MPI: variants seen among roughly 807,000 people sequenced by gnomAD.
MPI encodes mannose-6-phosphate isomerase.
MPI carries 33 observed loss-of-function variants against 40.1 expected under a neutral mutation model. That is an observed-to-expected ratio of 0.82 (90% CI 0.62 to 1.10). MPI has a LOEUF of 1.10. MPI is among the 50% of genes least tolerant of loss of function. MPI has a pLI of 0.00. For synonymous variants in MPI, 187 were observed against 207.4 expected, an observed-to-expected ratio of 0.90 and a Z score of 0.85; for missense variants, 514 against 524.1, an observed-to-expected ratio of 0.98 and a Z score of 0.19.
At chr15:74,891,294 G>A (rs1393809348) in intron 2 of MPI, 85 bp from the exon 3 acceptor site, 1 of 1,281,886 alleles carries the variant, frequency 7.8e-7, no homozygotes, top group Non-Finnish European at 1.1e-6. Flanking sequence ...GCCCTGTGGG[G>A]AGCACAGCAT....
In MPI at chr15:74,891,549, A is replaced by T. The variant is rs755946117; in HGVS notation, c.315A>T (p.Thr105=). 3 of 1,613,996 alleles carry T rather than the reference A, an allele frequency of 1.9e-6. No homozygotes were observed. The African/African-American group carries it at 4.0e-5, about 22-fold the overall frequency. ...TCTTCAAAGTGCTCTCAGTTGAAACACCCCTGTCCATCCAGGCACACCCTA... is the reference window on the plus strand; with the variant it reads ...TCTTCAAAGTGCTCTCAGTTGAAACTCCCCTGTCCATCCAGGCACACCCTA... ...PFLFKVLSVE[T]PLSIQAHPNK... is the part of the protein sequence containing the mutation. The change falls in exon 3 of 8, where the codon ACA becomes ACT. Residue 105 remains threonine, a synonymous_variant. Transcript: ENST00000352410.
intron 5 of MPI, among the ~76,000 whole-genome samples, chr15:74,894,089 T>TTTTCTGAGCCAGG (rs1567267185): frequency 7.1e-5 from 4 of 56,074 alleles, no homozygotes; most frequent in South Asian, 4.9e-4. Flanking sequence ...TGTGTGTGTG[T>TTTTCTGAGCCAGG]GTGTGTGTGT....
intron 5 of MPI, 21 bp downstream of exon 5, chr15:74,893,341 G>T (rs777150382): frequency 6.2e-7 from 1 of 1,613,810 alleles, no homozygotes; most frequent in Non-Finnish European, 8.5e-7. Context: ...TTATATTCCT[G>T]GTTGGGTGCA....
rs1364512938 is a variant in MPI, at chr15:74,900,037, T to G, written c.*2307T>G. 1 of 152,194 alleles carries G rather than the reference T, an allele frequency of 6.6e-6. No homozygotes were observed. Among genetic ancestry groups the G allele is most frequent in the Non-Finnish European group, 1.5e-5 (1 of 68,050 alleles). The allele number at this position is 152,194 out of a possible 1,614,324, so 9.4% of individuals were successfully genotyped here. On this transcript the variant is annotated 3_prime_UTR_variant, in exon 8 of 8. Coordinates refer to ENST00000352410, the MANE Select transcript of MPI (RefSeq NM_002435.3). ...TTATAAATGTACAGAGCTGTAGAAG[T>G]GCAAGCCAAGAGTTCTATAGAGTAG...
At chr15:74,891,628 C>G in intron 3 of MPI, 49 bp downstream of exon 3, 7 of 1,589,344 alleles carry the variant, frequency 4.4e-6, no homozygotes, top group Non-Finnish European at 6.0e-6. Context: ...AGGGCTTATG[C>G]TAAGGCCCTC....
At chr15:74,894,174 C>CCGGG in intron 5 of MPI, among the ~76,000 whole-genome samples, 1 of 144,170 alleles carries the variant, frequency 6.9e-6, no homozygotes, top group Non-Finnish European at 1.6e-5. Flanking sequence ...GCCTCTGCCT[C>CCGGG]CCGGGTTCAA....
At chr15:74,893,394 A>G in intron 5 of MPI, 74 bp downstream of exon 5, 1 of 1,543,458 alleles carries the variant, frequency 6.5e-7, no homozygotes, top group Non-Finnish European at 8.9e-7. Context: ...GACTCTGGGG[A>G]CAGTTCTCAA....
intron 7 of MPI, 121 bp downstream of exon 7, chr15:74,897,340 C>T: frequency 7.4e-7 from 1 of 1,357,164 alleles, no homozygotes; most frequent in Non-Finnish European, 1.0e-6. Context: ...AGGGTGGCCC[C>T]AGGGCCTGCC....
rs915884142 is a variant in MPI, at chr15:74,901,135, C to G, written c.*3405C>G. ...CTATACCCCAATCCCGACTATTGGGCTGGGAACCCTGTCTATGCCCATTCA... is the reference window on the plus strand; with the variant it reads ...CTATACCCCAATCCCGACTATTGGGGTGGGAACCCTGTCTATGCCCATTCA... On this transcript the variant is annotated 3_prime_UTR_variant, in exon 8 of 8. Transcript: ENST00000352410. 6.6e-6 allele frequency: 1 copy of G among 152,206 alleles called. No individual in the cohort carries two copies. The highest frequency in any genetic ancestry group is 2.4e-5 in the African/African-American group (1 of 41,424). 9.4% of individuals were successfully genotyped at this position (152,206 alleles called of 1,614,324 possible). A position where few individuals can be genotyped will look rare whatever the true frequency, so the allele number is the denominator to read the frequency against.
rs144839533 is a variant in MPI at position 74,891,605 on chromosome 15, G to A, written c.345+26G>A. 19 of 1,610,960 alleles carry A rather than the reference G, an allele frequency of 1.2e-5. 2 individuals are homozygous for A. The African/African-American group carries it at 2.1e-4, about 18-fold the overall frequency. On this transcript the variant is annotated intron_variant, in intron 3 of 7. Transcript: ENST00000352410. Reference sequence around the variant, plus strand: ...GTAAAGGACAGAGTGCGGTGCAGAGGTCAGGGTACAGAAGGGCTTATGCTA... The same window carrying A: ...GTAAAGGACAGAGTGCGGTGCAGAGATCAGGGTACAGAAGGGCTTATGCTA...
At chr15:74,894,039 AGTGTGTGTGTGTGTGTGTGTGT>A (rs1163375284) in intron 5 of MPI, among the ~76,000 whole-genome samples, 2,506 of 56,966 alleles carry the variant, frequency 0.044, 111 homozygotes, top group African/African-American at 0.08. Context: ...TTTTCTGTTC[AGTGTGTGTGTGTGTGTGTGTGT>A]GTGTGTGTGT....
At chr15:74,894,802 AAAAAG>A (rs996432185) in intron 5 of MPI, among the ~76,000 whole-genome samples, 3 of 148,934 alleles carry the variant, frequency 2.0e-5, no homozygotes, top group African/African-American at 7.3e-5. Context: ...AAAAAAAAAG[AAAAAG>A]AAAAAGAAAA....
intron 1 of MPI, 124 bp from the exon 2 acceptor site, chr15:74,890,403 C>T (rs1320955038): frequency 1.5e-6 from 2 of 1,311,806 alleles, no homozygotes; most frequent in Non-Finnish European, 1.1e-6. Flanking sequence ...TCTCATCCAA[C>T]AGCCTACAAA....
chr15:74,896,647 T>C (rs1286705304), intron 6 of MPI: 5 of 610,526 alleles, frequency 8.2e-6, no homozygotes, highest in Non-Finnish European at 1.5e-5. Flanking sequence ...TTTGTATGTC[T>C]GTCCTACCTA....
Position 74,900,025 on chromosome 15 carries a change from G to A in MPI, c.*2295G>A, listed in dbSNP as rs1429923041. The stretch of plus-strand genomic sequence containing the variant: ...TTGCATTTATTCTTATAAATGTACA[G>A]AGCTGTAGAAGTGCAAGCCAAGAGT... On this transcript the variant is annotated 3_prime_UTR_variant, in exon 8 of 8. Coordinates refer to ENST00000352410, the MANE Select transcript of MPI (RefSeq NM_002435.3). The A allele has an allele frequency of 6.6e-6, 1 of 152,252 alleles. No homozygotes were observed. The highest frequency in any genetic ancestry group is 1.5e-5 in the Non-Finnish European group (1 of 68,054). 9.4% of individuals were successfully genotyped at this position (152,252 alleles called of 1,614,324 possible).
chr15:74,896,966 T>G (rs1292779377), intron 6 of MPI, 45 bp from the exon 7 acceptor site: 33 of 1,592,750 alleles, frequency 2.1e-5, no homozygotes, highest in Non-Finnish European at 2.7e-5. Context: ...ACTGGAGAGC[T>G]AAGGCATACT....
rs1350863897 is a variant in MPI, at chr15:74,900,296, C to T, written c.*2566C>T. 6.6e-6 allele frequency: 1 copy of T among 152,368 alleles called. No individual in the cohort carries two copies. The highest frequency in any genetic ancestry group is 2.4e-5 in the African/African-American group (1 of 41,460). 9.4% of individuals were successfully genotyped at this position (152,368 alleles called of 1,614,324 possible). ...TCCAGCTTTTTCTACAAGGTAACAC[C>T]CTCCTACATGGGGTCAGCCAGCTCA... On this transcript the variant is annotated 3_prime_UTR_variant, in exon 8 of 8. Transcript: ENST00000352410.
rs1356896897 is a variant in MPI at position 74,900,625 on chromosome 15, A to G, written c.*2895A>G. 6.6e-6 allele frequency: 1 copy of G among 152,254 alleles called. No individual in the cohort carries two copies. Among genetic ancestry groups the G allele is most frequent in the Non-Finnish European group, 1.5e-5 (1 of 68,068 alleles). The allele number at this position is 152,254 out of a possible 1,614,324, so 9.4% of individuals were successfully genotyped here. ...CTGCAGACACAAGAAAGGCCTGGAC[A>G]TGGTCTCTGCAGATGGGGAAGGGGT... On this transcript the variant is annotated 3_prime_UTR_variant, in exon 8 of 8. Transcript: ENST00000352410.
chr15:74,891,229 A>G lies in MPI; in HGVS notation c.145-150A>G, dbSNP rs964830869. 46 of 756,770 alleles carry G rather than the reference A, an allele frequency of 6.1e-5. No homozygotes were observed. The African/African-American group carries it at 7.2e-4, about 12-fold the overall frequency. 46.9% of individuals were successfully genotyped at this position (756,770 alleles called of 1,614,324 possible). A position where few individuals can be genotyped will look rare whatever the true frequency, so the allele number is the denominator to read the frequency against. On this transcript the variant is annotated intron_variant, in intron 2 of 7. Transcript: ENST00000352410. ...GGGTCTACTGCCTCCCTGTATGTCC[A>G]TGATGGCATGAACATTTGTATCCAG...
Sources: gnomAD v4.1 joint callset for allele counts (sites outside exome capture counted in the v4.1 genomes callset) on GRCh38, gnomAD v4.1.1 for gene constraint, MANE v1.5 for transcripts, NCBI Gene and HGNC (gene_info 2026-07-23, HGNC 2026-07-21) for gene names.